Variants in PTP4A2 observed in about 807,000 individuals in gnomAD.
PTP4A2 encodes protein tyrosine phosphatase 4A2.
In PTP4A2, 2 loss-of-function variants were observed where a neutral mutation model predicts 22.9. That is an observed-to-expected ratio of 0.09 (90% CI 0.04 to 0.27). The LOEUF is 0.27. Among genes scored for constraint, PTP4A2 ranks in the 10% least tolerant of loss-of-function variants. The pLI, the probability that PTP4A2 is intolerant of heterozygous loss-of-function variation, is 1.00. For missense variants in PTP4A2, 103 were observed against 205.1 expected, an observed-to-expected ratio of 0.50 and a Z score of 3.04; for synonymous variants, 68 against 69.1, an observed-to-expected ratio of 0.98 and a Z score of 0.08.
rs1293453373 is a variant in PTP4A2 at position 31,908,791 on chromosome 1, C to T, written c.*61G>A. On this transcript the variant is annotated 3_prime_UTR_variant, in exon 6 of 6. Coordinates refer to ENST00000647444, the MANE Select transcript of PTP4A2 (RefSeq NM_080391.4). ...CAGGTAATATTCCAGATTCACATTTCCAGGTACCAAGAGTTCCCTCTAAAT... is the reference window on the plus strand; with the variant it reads ...CAGGTAATATTCCAGATTCACATTTTCAGGTACCAAGAGTTCCCTCTAAAT... The T allele has an allele frequency of 1.1e-5, 13 of 1,177,370 alleles. No individual in the cohort carries two copies. The highest frequency in any genetic ancestry group is 5.6e-4 in the Middle Eastern group (2 of 3,594). 72.9% of individuals were successfully genotyped at this position (1,177,370 alleles called of 1,614,324 possible). A position where few individuals can be genotyped will look rare whatever the true frequency, so the allele number is the denominator to read the frequency against.
At position 31,908,811 on chromosome 1, in the gene PTP4A2, C is replaced by G. The variant is rs1278692736; in HGVS notation, c.*41G>C. 1.4e-6 allele frequency: 2 copies of G among 1,445,954 alleles called. No homozygotes were observed. The highest frequency in any genetic ancestry group is 3.4e-5 in the Admixed American group (2 of 58,428). The allele number at this position is 1,445,954 out of a possible 1,614,324, so 89.6% of individuals were successfully genotyped here. ...CATTTCCAGGTACCAAGAGTTCCCT[C>G]TAAATGGCACAATCAAGTCAGCCTT... is the stretch of plus-strand genomic sequence containing the variant. On this transcript the variant is annotated 3_prime_UTR_variant, in exon 6 of 6. Coordinates refer to ENST00000647444, the MANE Select transcript of PTP4A2 (RefSeq NM_080391.4).
chr1:31,923,139 G>C (rs913825343), intron 1 of PTP4A2, among the ~76,000 whole-genome samples: 1 of 151,724 alleles, frequency 6.6e-6, no homozygotes. Flanking sequence ...TTGAAGGCCT[G>C]ACCTCGTGAT....
chr1:31,931,758 C>T (rs1391641957), intron 1 of PTP4A2, among the ~76,000 whole-genome samples: 3 of 152,178 alleles, frequency 2.0e-5, no homozygotes, highest in Non-Finnish European at 4.4e-5. Flanking sequence ...TTTGTAACCA[C>T]ACATGTGGAA....
At chr1:31,936,640 T>C (rs545780809) in intron 1 of PTP4A2, among the ~76,000 whole-genome samples, 3 of 152,290 alleles carry the variant, frequency 2.0e-5, no homozygotes, top group South Asian at 2.1e-4. Flanking sequence ...GAAAAGTCCA[T>C]GATAATAATT....
chr1:31,916,345 CAAAAAAA>C (rs1167002913), intron 2 of PTP4A2, among the ~76,000 whole-genome samples: 195 of 35,444 alleles, frequency 5.5e-3, no homozygotes, highest in Non-Finnish European at 0.011. Context: ...ACTCCGTCTC[CAAAAAAA>C]AAAAAAAAAA....
chr1:31,924,218 T>C lies in PTP4A2; in HGVS notation c.-593-4560A>G, dbSNP rs978552776. Reference sequence around the variant, plus strand: ...CCCATCTTACTCTCCCAACCTCATTTTGGAAAGACCATTTCCAGGAATAAA... The same window carrying C: ...CCCATCTTACTCTCCCAACCTCATTCTGGAAAGACCATTTCCAGGAATAAA... On this transcript the variant is annotated intron_variant, in intron 1 of 5. Transcript: ENST00000647444. 5 of 152,218 alleles carry C rather than the reference T, an allele frequency of 3.3e-5. 1 individual carries two copies. The highest frequency in any genetic ancestry group is 3.3e-4 in the Admixed American group (5 of 15,270). The allele number at this position is 152,218 out of a possible 1,614,324, so 9.4% of individuals were successfully genotyped here.
chr1:31,932,694 T>C (rs572603013), intron 1 of PTP4A2: 56 of 152,314 alleles, frequency 3.7e-4, no homozygotes, highest in African/African-American at 1.3e-3. Flanking sequence ...AACTCCACAA[T>C]GGGGAACTGT....
chr1:31,922,543 G>A (rs530883136), intron 1 of PTP4A2, among the ~76,000 whole-genome samples: 2 of 152,222 alleles, frequency 1.3e-5, no homozygotes, highest in East Asian at 1.9e-4. Context: ...AAGTATGATC[G>A]CACTGCTAAC....
intron 1 of PTP4A2, among the ~76,000 whole-genome samples, 191 bp from the exon 2 acceptor site, chr1:31,919,849 G>A (rs1007434473): frequency 9.3e-5 from 14 of 151,258 alleles, no homozygotes; most frequent in South Asian, 4.2e-4. Context: ...GACTCGAGCC[G>A]GGTGTGGTGG....
At chr1:31,918,076 C>T (rs962452240) in intron 2 of PTP4A2, among the ~76,000 whole-genome samples, 7 of 151,806 alleles carry the variant, frequency 4.6e-5, no homozygotes, top group African/African-American at 1.7e-4. Context: ...GGTGAAATCC[C>T]GTCTCTACTA....
intron 1 of PTP4A2, chr1:31,921,337 CA>C (rs1294106522): frequency 6.6e-6 from 1 of 152,168 alleles, no homozygotes; most frequent in Non-Finnish European, 1.5e-5. Flanking sequence ...CAATGTACCA[CA>C]AATGCCTCCT....
At chr1:31,920,478 A>G (rs897669154) in intron 1 of PTP4A2, among the ~76,000 whole-genome samples, 1 of 151,238 alleles carries the variant, frequency 6.6e-6, no homozygotes, top group Non-Finnish European at 1.5e-5. Context: ...CAGAGACTCG[A>G]TTACTTTTAA....
intron 1 of PTP4A2, among the ~76,000 whole-genome samples, chr1:31,920,664 A>T (rs549938870): frequency 6.6e-6 from 1 of 151,158 alleles, no homozygotes; most frequent in African/African-American, 2.4e-5. Flanking sequence ...CAGCCTCCCA[A>T]GTAGCTGGGA....
chr1:31,927,921 A>G (rs944846226), intron 1 of PTP4A2, among the ~76,000 whole-genome samples: 1 of 152,108 alleles, frequency 6.6e-6, no homozygotes, highest in Admixed American at 6.5e-5. Flanking sequence ...GTGTCTGAAA[A>G]CTTGTAAACT....
chr1:31,934,581 G>T (rs558969172), intron 1 of PTP4A2, among the ~76,000 whole-genome samples: 2 of 152,172 alleles, frequency 1.3e-5, no homozygotes, highest in Non-Finnish European at 2.9e-5. Flanking sequence ...TCAACTTTGT[G>T]TCTGAAAATT....
intron 1 of PTP4A2, among the ~76,000 whole-genome samples, chr1:31,922,585 T>G (rs922179603): frequency 7.2e-6 from 1 of 138,200 alleles, no homozygotes; most frequent in Non-Finnish European, 1.6e-5. Flanking sequence ...AACCCAGGTT[T>G]GTTTCTTTCT....
chr1:31,922,809 A>G (rs991652238), intron 1 of PTP4A2, among the ~76,000 whole-genome samples: 5 of 152,094 alleles, frequency 3.3e-5, no homozygotes, highest in African/African-American at 1.2e-4. Context: ...TTCTGTAGCA[A>G]CAAGGTTTCA....
At position 31,919,115 on chromosome 1, in the gene PTP4A2, G is replaced by GA. The variant is rs370536901; in HGVS notation, c.-51dup. 8,381 of 694,246 alleles carry GA rather than the reference G, an allele frequency of 0.012. 2 individuals are homozygous for GA. The highest frequency in any genetic ancestry group is 0.017 in the South Asian group (883 of 51,128). 43.0% of individuals were successfully genotyped at this position (694,246 alleles called of 1,614,324 possible). Reference sequence around the variant, plus strand: ...TGCGTGTGAGTGTGATGGGGAAAGTGAAAAAAAAAAATCAATAAATCTTGA... The same window carrying GA: ...TGCGTGTGAGTGTGATGGGGAAAGTGAAAAAAAAAAAATCAATAAATCTTGA... On this transcript the variant is annotated 5_prime_UTR_variant, in exon 2 of 6. Transcript: ENST00000647444.
rs548590828 is a variant in PTP4A2 at position 31,927,248 on chromosome 1, A to G, written c.-593-7590T>C. On this transcript the variant is annotated intron_variant, in intron 1 of 5. Transcript: ENST00000647444. ...GCCATTATCCTAAGCGAATTAACGC[A>G]GGAACAGAAAACCAAATACCGCATG... Among the ~76,000 whole-genome samples, 8 of 152,362 alleles carry G rather than the reference A, an allele frequency of 5.3e-5. No individual in the cohort carries two copies. In the East Asian group the frequency reaches 1.5e-3, roughly 29 times the overall value.
Sources: gnomAD v4.1 joint callset for allele counts (sites outside exome capture counted in the v4.1 genomes callset) on GRCh38, gnomAD v4.1.1 for gene constraint, MANE v1.5 for transcripts, NCBI Gene and HGNC (gene_info 2026-07-23, HGNC 2026-07-21) for gene names.